Variants in FAM227A observed in about 807,000 individuals in gnomAD.
FAM227A encodes the protein family with sequence similarity 227 member A, also known as protein FAM227A.
FAM227A carries 80 observed loss-of-function variants against 74.7 expected under a neutral mutation model. That is an observed-to-expected ratio of 1.07 (90% CI 0.89 to 1.29). The LOEUF (loss-of-function observed/expected upper bound fraction) is 1.29, where lower values mean the gene tolerates loss of function less well. FAM227A is among the 50% of genes most tolerant of loss of function. FAM227A has a pLI of 0.00. For synonymous variants in FAM227A, 237 were observed against 241.8 expected, an observed-to-expected ratio of 0.98 and a Z score of 0.19; for missense variants, 654 against 683.4, an observed-to-expected ratio of 0.96 and a Z score of 0.48.
intron 11 of FAM227A, among the ~76,000 whole-genome samples, chr22:38,617,717 G>A (rs1187091720): frequency 6.6e-6 from 1 of 152,202 alleles, no homozygotes; most frequent in African/African-American, 2.4e-5. Context: ...GATTAGCGGG[G>A]AGGCTGGGCC....
intron 3 of FAM227A, among the ~76,000 whole-genome samples, chr22:38,644,508 CAG>C (rs1275369803): frequency 6.6e-6 from 1 of 151,422 alleles, no homozygotes; most frequent in Non-Finnish European, 1.5e-5. Context: ...AGGTGGAGCA[CAG>C]AGGACTGTTG....
intron 11 of FAM227A, among the ~76,000 whole-genome samples, chr22:38,613,688 T>C (rs1159643840): frequency 6.6e-6 from 1 of 151,796 alleles, no homozygotes; most frequent in Non-Finnish European, 1.5e-5. Flanking sequence ...TTTCTCTAGG[T>C]ACCACCCTTG....
chr22:38,628,266 T>C lies in FAM227A; in HGVS notation c.698A>G (p.Lys233Arg). 1 of 1,551,086 alleles carries C rather than the reference T, an allele frequency of 6.4e-7. No individual in the cohort carries two copies. The highest frequency in any genetic ancestry group is 8.7e-7 in the Non-Finnish European group (1 of 1,146,452). Residue 233 changes from lysine (K) to arginine (R), a missense_variant, in exon 8 of 17, where the codon AAG (lysine) becomes AGG (arginine). By Grantham distance (26) the Lys-to-Arg change is conservative. Transcript: ENST00000535113. ...HYALLLFRVP[K>R]SHSEEALLKR... ...TAAGAGCGCCTCTTCAGAGTGGGAC[T>C]TGGGTACACGAAACAAAAGTAAGGC...
intron 6 of FAM227A, among the ~76,000 whole-genome samples, chr22:38,630,484 G>A (rs77102519): frequency 2.0e-5 from 3 of 152,122 alleles, no homozygotes; most frequent in East Asian, 1.9e-4. Flanking sequence ...CTCTGTGCTC[G>A]ATTCTTTCAC....
chr22:38,591,278 G>A (rs1407687002), intron 16 of FAM227A, 157 bp downstream of exon 16: 4 of 1,329,806 alleles, frequency 3.0e-6, no homozygotes, highest in African/African-American at 3.0e-5. Context: ...GAGCTATGAT[G>A]GCACCACTGC....
chr22:38,651,412 C>T (rs911862692), intron 1 of FAM227A, among the ~76,000 whole-genome samples: 3 of 152,136 alleles, frequency 2.0e-5, no homozygotes, highest in Non-Finnish European at 1.5e-5. Context: ...CTTGCTCTGT[C>T]GTCCAGACTG....
intron 16 of FAM227A, 81 bp from the exon 17 acceptor site, chr22:38,586,280 G>C (rs1206345866): frequency 5.5e-6 from 8 of 1,454,266 alleles, no homozygotes; most frequent in Non-Finnish European, 7.5e-6. Context: ...GTGAGCAGTG[G>C]CGTGGCCAGT....
intron 9 of FAM227A, among the ~76,000 whole-genome samples, chr22:38,625,313 C>T (rs551239495): frequency 2.7e-5 from 4 of 150,828 alleles, no homozygotes; most frequent in South Asian, 2.1e-4. Context: ...GGCAAGAACC[C>T]GGAAGGCTGA....
intron 11 of FAM227A, among the ~76,000 whole-genome samples, chr22:38,607,723 T>C (rs2091315894): frequency 6.6e-6 from 1 of 152,188 alleles, no homozygotes; most frequent in Non-Finnish European, 1.5e-5. Context: ...GTCCCAATTC[T>C]CTCACTCAAC....
chr22:38,610,682 C>T (rs1298223103), intron 11 of FAM227A, among the ~76,000 whole-genome samples: 4 of 152,042 alleles, frequency 2.6e-5, no homozygotes, highest in Non-Finnish European at 5.9e-5. Context: ...GCAACAAGAG[C>T]GAAACTGCAT....
At chr22:38,617,783 G>A (rs1026505688) in intron 11 of FAM227A, among the ~76,000 whole-genome samples, 1 of 152,116 alleles carries the variant, frequency 6.6e-6, no homozygotes, top group African/African-American at 2.4e-5. Flanking sequence ...AGGATTGCTT[G>A]AGCTAGGAGT....
chr22:38,600,334 A>G (rs886519507), intron 13 of FAM227A, among the ~76,000 whole-genome samples: 1 of 149,870 alleles, frequency 6.7e-6, no homozygotes, highest in African/African-American at 2.5e-5. Flanking sequence ...ATATATATAT[A>G]ATTTTATTTT....
intron 11 of FAM227A, among the ~76,000 whole-genome samples, chr22:38,611,251 AT>A (rs887440628): frequency 2.6e-5 from 4 of 151,784 alleles, no homozygotes; most frequent in Non-Finnish European, 4.4e-5. Context: ...AGCTGCTCAG[AT>A]TCAGCACGCT....
At chr22:38,628,421 T>G (rs2091853250) in intron 7 of FAM227A, 79 bp from the exon 8 acceptor site, 2 of 850,808 alleles carry the variant, frequency 2.4e-6, no homozygotes, top group Admixed American at 2.5e-5. Flanking sequence ...TTTAAATCAG[T>G]ATTGTTTTCA....
At chr22:38,619,099 A>C (rs1223641626) in intron 11 of FAM227A, among the ~76,000 whole-genome samples, 1 of 152,022 alleles carries the variant, frequency 6.6e-6, no homozygotes, top group Non-Finnish European at 1.5e-5. Context: ...CTTACCTGGG[A>C]CAAGAAGAAC....
At chr22:38,648,618 A>G (rs1160279032) in intron 2 of FAM227A, among the ~76,000 whole-genome samples, 1 of 149,862 alleles carries the variant, frequency 6.7e-6, no homozygotes, top group African/African-American at 2.5e-5. Context: ...GAAACAAACA[A>G]ACAAAATATT....
intron 13 of FAM227A, among the ~76,000 whole-genome samples, chr22:38,602,068 ATTCCAC>A (rs1482261752): frequency 6.6e-6 from 1 of 152,236 alleles, no homozygotes. Flanking sequence ...TGGAACAAAA[ATTCCAC>A]TTCACAAATA....
chr22:38,646,270 T>C (rs1452772386), intron 2 of FAM227A, among the ~76,000 whole-genome samples: 4 of 92,776 alleles, frequency 4.3e-5, no homozygotes, highest in Admixed American at 9.7e-5. Flanking sequence ...TTTTTTTTTT[T>C]TTTTTTTGAG....
At chr22:38,597,793 C>T (rs2091080017) in intron 14 of FAM227A, among the ~76,000 whole-genome samples, 1 of 152,128 alleles carries the variant, frequency 6.6e-6, no homozygotes, top group African/African-American at 2.4e-5. Flanking sequence ...GGTGTAATCC[C>T]AGCACTTTGG....
Sources: gnomAD v4.1 joint callset for allele counts (sites outside exome capture counted in the v4.1 genomes callset) on GRCh38, gnomAD v4.1.1 for gene constraint, MANE v1.5 for transcripts, NCBI Gene and HGNC (gene_info 2026-07-23, HGNC 2026-07-21) for gene names.